The following WDFY4 variants were observed in gnomAD, a reference collection of about 807,000 sequenced individuals.
The protein encoded by WDFY4 is WD repeat- and FYVE domain-containing protein 4.
Under a neutral mutation model 351.9 loss-of-function variants are expected in WDFY4, and 169 were observed. The ratio of observed to expected loss-of-function variants is 0.48; its 90% CI spans 0.42 to 0.55. WDFY4 has a LOEUF of 0.55. Among genes scored for constraint, WDFY4 ranks in the 20% least tolerant of loss-of-function variants. The pLI is 0.00. For synonymous variants in WDFY4, 1,622 were observed against 1,574.6 expected (o/e 1.03, Z -0.71); for missense variants, 3,803 against 3,935.6 (o/e 0.97, Z 0.90).
intron 1 of WDFY4, among the ~76,000 whole-genome samples, chr10:48,703,053 C>G (rs921062561): frequency 2.6e-5 from 4 of 152,230 alleles, no homozygotes; most frequent in African/African-American, 7.2e-5. Context: ...ACCTCTGTCT[C>G]TCTCCTCTTT....
chr10:48,803,368 G>C lies in WDFY4; in HGVS notation c.4484+9G>C, dbSNP rs2067147352. ...ATCCTTCAATCACCAAGGTAGGCTG[G>C]GTCTTGGCAGCCTGGGGGTTAGAAC... On this transcript the variant is annotated intron_variant, in intron 25 of 61. Coordinates refer to ENST00000325239, the MANE Select transcript of WDFY4 (RefSeq NM_001394531.1). 6.4e-7 allele frequency: 1 copy of C among 1,551,678 alleles called. No individual in the cohort carries two copies. The highest frequency in any genetic ancestry group is 8.7e-7 in the Non-Finnish European group (1 of 1,146,952).
chr10:48,848,064 C>G (rs1488698609), intron 39 of WDFY4, among the ~76,000 whole-genome samples: 1 of 152,166 alleles, frequency 6.6e-6, no homozygotes, highest in Non-Finnish European at 1.5e-5. Context: ...ATTACCTGGG[C>G]ACTCAGAGAA....
Position 48,959,800 on chromosome 10 carries a change from G to C in WDFY4, c.8210G>C (p.Ser2737Thr). ...GATGGGGACCCTCGGAAATTCATCA[G>C]CCTGCACAGAAAGGTGAGTCAGGCC... is the stretch of plus-strand genomic sequence containing the variant. ...WADGDPRKFI[S>T]LHRKALESDF... Residue 2737 changes from serine (S) to threonine (T), a missense_variant, in exon 53 of 62, where the codon AGC becomes ACC. Physicochemically the swap from Ser to Thr is moderately conservative, Grantham distance 58. Transcript: ENST00000325239. 1 of 1,550,714 alleles carries C rather than the reference G, an allele frequency of 6.4e-7. No homozygotes were observed.
intron 1 of WDFY4, among the ~76,000 whole-genome samples, chr10:48,694,619 G>T (rs895149335): frequency 6.6e-6 from 1 of 152,078 alleles, no homozygotes; most frequent in Non-Finnish European, 1.5e-5. Context: ...TCCCAGGACC[G>T]CTCCGTGAGA....
At chr10:48,982,375 C>G (rs1842846608) in intron 61 of WDFY4, 134 bp from the exon 62 acceptor site, 3 of 679,102 alleles carry the variant, frequency 4.4e-6, no homozygotes, top group Non-Finnish European at 6.9e-6. Flanking sequence ...CCTCCCCTGC[C>G]TCAAGGGAGA....
chr10:48,982,328 C>G (rs909617036), intron 61 of WDFY4, among the ~76,000 whole-genome samples, 181 bp from the exon 62 acceptor site: 3 of 152,022 alleles, frequency 2.0e-5, no homozygotes, highest in Non-Finnish European at 4.4e-5. Context: ...ATGCTTTCCC[C>G]TCCCCCAGGT....
At chr10:48,931,513 G>A (rs182177098) in intron 47 of WDFY4, among the ~76,000 whole-genome samples, 1 of 152,328 alleles carries the variant, frequency 6.6e-6, no homozygotes, top group East Asian at 1.9e-4. Flanking sequence ...CCGTATTATG[G>A]TGCAATATGG....
chr10:48,890,759 C>T lies in WDFY4; in HGVS notation c.7316+32C>T. The T allele has an allele frequency of 1.9e-6, 3 of 1,550,756 alleles. No homozygotes were observed. The South Asian group carries it at 3.6e-5, about 18-fold the overall frequency. On this transcript the variant is annotated intron_variant, in intron 44 of 61. Coordinates refer to ENST00000325239, the MANE Select transcript of WDFY4 (RefSeq NM_001394531.1). ...TATCCACTTCTCCCAGCAGATTCTT[C>T]CCTGAGCCCCATTCATCCTTACCAG...
At chr10:48,749,249 A>G (rs577587227) in intron 12 of WDFY4, among the ~76,000 whole-genome samples, 1 of 152,254 alleles carries the variant, frequency 6.6e-6, no homozygotes, top group African/African-American at 2.4e-5. Context: ...TGTCCAAAAT[A>G]CATCATATAT....
At chr10:48,845,103 G>C (rs2068732326) in intron 39 of WDFY4, among the ~76,000 whole-genome samples, 1 of 152,208 alleles carries the variant, frequency 6.6e-6, no homozygotes. Flanking sequence ...AGAGCAGAGA[G>C]AGGCCCATGT....
At position 48,822,552 on chromosome 10, in the gene WDFY4, C is replaced by T; in HGVS notation, c.5982+15C>T. The T allele has an allele frequency of 6.6e-7, 1 of 1,517,868 alleles. No individual in the cohort carries two copies. Among genetic ancestry groups the T allele is most frequent in the Non-Finnish European group, 8.9e-7 (1 of 1,126,076 alleles). 94.0% of individuals were successfully genotyped at this position (1,517,868 alleles called of 1,614,324 possible). A position where few individuals can be genotyped will look rare whatever the true frequency, so the allele number is the denominator to read the frequency against. On this transcript the variant is annotated intron_variant, in intron 35 of 61. Coordinates refer to ENST00000325239, the MANE Select transcript of WDFY4 (RefSeq NM_001394531.1). ...ACATCATGGTGGTAAGAGCTGCTCA[C>T]TGACCGGGTATCTGTGTGGATCTGA...
intron 43 of WDFY4, among the ~76,000 whole-genome samples, chr10:48,881,653 A>C (rs2070254257): frequency 6.6e-6 from 1 of 152,222 alleles, no homozygotes; most frequent in Admixed American, 6.5e-5. Flanking sequence ...CATGAATCAG[A>C]AAAATCCTCG....
intron 39 of WDFY4, among the ~76,000 whole-genome samples, chr10:48,864,355 T>C (rs1589771695): frequency 6.6e-6 from 1 of 152,252 alleles, no homozygotes; most frequent in East Asian, 1.9e-4. Flanking sequence ...CCCCATTGTA[T>C]AGTTTTGGCA....
intron 11 of WDFY4, chr10:48,736,390 C>G (rs1295230191): frequency 1.7e-6 from 1 of 578,012 alleles, no homozygotes; most frequent in Non-Finnish European, 3.1e-6. Flanking sequence ...CATTTTCATT[C>G]AGGCCTAGAA....
At chr10:48,799,568 T>G (rs1306129752) in intron 24 of WDFY4, among the ~76,000 whole-genome samples, 1 of 152,018 alleles carries the variant, frequency 6.6e-6, no homozygotes, top group African/African-American at 2.4e-5. Context: ...AGGTCAGGGG[T>G]TCGGTACCAG....
chr10:48,729,584 C>T lies in WDFY4; in HGVS notation c.1124C>T (p.Ala375Val). 1 of 1,551,630 alleles carries T rather than the reference C, an allele frequency of 6.4e-7. No individual in the cohort carries two copies. Among genetic ancestry groups the T allele is most frequent in the South Asian group, 1.2e-5 (1 of 84,052 alleles). The change falls in exon 8 of 62, where the codon GCA becomes GTA. Residue 375 changes from alanine to valine, a missense_variant. Transcript: ENST00000325239. ...QLEGFKFHHE[A>V]SGVTVKNLQA... ...GAAGGCTTCAAGTTCCATCATGAGG[C>T]ATCTGGTGAGTCTTTCCTGTGTCTG...
At chr10:48,800,020 G>T (rs1048480985) in intron 24 of WDFY4, among the ~76,000 whole-genome samples, 3 of 152,096 alleles carry the variant, frequency 2.0e-5, no homozygotes, top group African/African-American at 7.2e-5. Flanking sequence ...CGAGTAGCTG[G>T]GACTATAGGC....
chr10:48,946,953 C>A lies in WDFY4; in HGVS notation c.7961C>A (p.Ala2654Asp), dbSNP rs887077594. The change falls in exon 51 of 62, where the codon GCC (alanine) becomes GAC (aspartate). Residue 2654 changes from alanine (A) to aspartate (D), a missense_variant. Ala to Asp is a moderately radical substitution (Grantham distance 126). Transcript: ENST00000325239. Reference protein sequence around the residue: ...YLVRMPPFTQAFCALQGGSFD... With the variant: ...YLVRMPPFTQDFCALQGGSFD... ...GTCCGGATGCCACCCTTCACCCAGG[C>A]CTTCTGCGCTCTGCAGGTGAGCTGC... is the stretch of plus-strand genomic sequence containing the variant. 1.3e-6 allele frequency: 2 copies of A among 1,550,986 alleles called. No homozygotes were observed. The highest frequency in any genetic ancestry group is 8.7e-7 in the Non-Finnish European group (1 of 1,146,858).
chr10:48,824,022 ACT>A, intron 35 of WDFY4: 1 of 985,280 alleles, frequency 1.0e-6, no homozygotes, highest in Non-Finnish European at 1.2e-6. Flanking sequence ...CTTTGTGCAT[ACT>A]CTTTGTATTA....
Sources: gnomAD v4.1 joint callset for allele counts (sites outside exome capture counted in the v4.1 genomes callset) on GRCh38, gnomAD v4.1.1 for gene constraint, MANE v1.5 for transcripts, NCBI Gene and HGNC (gene_info 2026-07-23, HGNC 2026-07-21) for gene names.